Variants in USP40 observed in about 807,000 individuals in gnomAD.
USP40 encodes the protein ubiquitin specific peptidase 40, also known as ubiquitin carboxyl-terminal hydrolase 40.
A neutral mutation model predicts 166.2 loss-of-function variants in USP40; 143 were observed. The observed-to-expected ratio is 0.86, with a 90% CI of 0.75 to 0.99. The LOEUF (loss-of-function observed/expected upper bound fraction) is 0.99, where lower values mean the gene tolerates loss of function less well. Ranked by LOEUF, USP40 falls within the 50% of genes least tolerant of loss-of-function variation. The probability of loss-of-function intolerance (pLI) is 0.00; values close to 1 mark genes in which losing one functional copy is unlikely to be tolerated. For synonymous variants in USP40, 498 were observed against 524.0 expected, an observed-to-expected ratio of 0.95 and a Z score of 0.68; for missense variants, 1,444 against 1,479.7, an observed-to-expected ratio of 0.98 and a Z score of 0.40.
chr2:233,485,773 A>G lies in USP40; in HGVS notation c.3402T>C (p.Ser1134=). 1 of 1,613,218 alleles carries G rather than the reference A, an allele frequency of 6.2e-7. No individual in the cohort carries two copies. Among genetic ancestry groups the G allele is most frequent in the Non-Finnish European group, 8.5e-7 (1 of 1,179,634 alleles). The change falls in exon 29 of 32, where the codon TCT becomes TCC. Residue 1134 remains serine (S), a synonymous_variant. Coordinates refer to ENST00000678225, the MANE Select transcript of USP40 (RefSeq NM_001365479.2). The part of the protein sequence containing the change: ...FPEKFEWLPI[S]SWNQQITKRK... The stretch of plus-strand genomic sequence containing the variant: ...GACAGCCCCACAACTTTACCCAGCT[A>G]GATATCGGAAGCCACTCGAACTTTT...
At chr2:233,539,082 T>C (rs973744246) in intron 10 of USP40, among the ~76,000 whole-genome samples, 1 of 152,060 alleles carries the variant, frequency 6.6e-6, no homozygotes, top group African/African-American at 2.4e-5. Flanking sequence ...TAAATGTGTA[T>C]GTACCTAATA....
At chr2:233,487,415 G>A (rs375523316) in intron 28 of USP40, among the ~76,000 whole-genome samples, 6 of 152,118 alleles carry the variant, frequency 3.9e-5, no homozygotes, top group African/African-American at 9.7e-5. Flanking sequence ...TATTTTAAGA[G>A]GTTTAAAATG....
Position 233,494,962 on chromosome 2 carries a change from A to AATAAATTAT in USP40, c.2791-1412_2791-1411insATAATTTAT, listed in dbSNP as rs2065639720. ...TATATATATATATATATATTTATAT[A>AATAAATTAT]TATATATATATATATATACACACAC... On this transcript the variant is annotated intron_variant, in intron 24 of 31. Transcript: ENST00000678225. Among the ~76,000 whole-genome samples, 4 of 71,400 alleles carry AATAAATTAT rather than the reference A, an allele frequency of 5.6e-5. 1 individual carries two copies. The highest frequency in any genetic ancestry group is 2.8e-4 in the African/African-American group (4 of 14,422). 46.8% of individuals were successfully genotyped at this position (71,400 alleles called of 152,430 possible).
At chr2:233,489,725 T>C in intron 26 of USP40, 1 of 413,830 alleles carries the variant, frequency 2.4e-6, no homozygotes, top group South Asian at 4.3e-5. Flanking sequence ...GTTCCCTCTC[T>C]CTAAATCTGA....
rs1284274479 is a variant in USP40 at position 233,486,154 on chromosome 2, A to T, written c.3198-177T>A. On this transcript the variant is annotated intron_variant, in intron 28 of 31. Transcript: ENST00000678225. This position sits in a 1 kb window ranked among gnomAD's most constrained non-coding sequence, Gnocchi z 4.0. ...TTATTCCGCATTTCAATTTCCTTTA[A>T]TCTTGGAATGAAGAGCGGAAGTGAA... is the stretch of plus-strand genomic sequence containing the variant. 1.3e-5 allele frequency among the ~76,000 whole-genome samples: 2 copies of T among 152,080 alleles called. No homozygotes were observed. Among genetic ancestry groups the T allele is most frequent in the African/African-American group, 2.4e-5 (1 of 41,392 alleles).
intron 27 of USP40, among the ~76,000 whole-genome samples, chr2:233,488,967 GAAAC>G (rs1286673141): frequency 2.0e-5 from 3 of 151,956 alleles, no homozygotes; most frequent in East Asian, 1.9e-4. Flanking sequence ...GAGAAAGAAA[GAAAC>G]AAAAAGCCTC....
chr2:233,520,260 G>C (rs771223335), intron 17 of USP40, among the ~76,000 whole-genome samples: 4 of 152,074 alleles, frequency 2.6e-5, no homozygotes, highest in Non-Finnish European at 5.9e-5. Flanking sequence ...ATTGTGAAAA[G>C]AAGAAACAGA....
At chr2:233,536,078 A>T (rs1391940986) in intron 10 of USP40, among the ~76,000 whole-genome samples, 5 of 152,160 alleles carry the variant, frequency 3.3e-5, no homozygotes, top group Non-Finnish European at 5.9e-5. Context: ...AAGAAACAGG[A>T]CAATGTTATT....
rs778801069 is a variant in USP40, at chr2:233,510,006, C to A, written c.2613+43G>T. On this transcript the variant is annotated intron_variant, in intron 21 of 31. Transcript: ENST00000678225. ...ACCACTGTTCCTCACAGCAAACATA[C>A]AAACACACACAGCCTCTGAAAACAA... 29 of 1,469,712 alleles carry A rather than the reference C, an allele frequency of 2.0e-5. No homozygotes were observed. The East Asian group carries it at 5.4e-4, about 27-fold the overall frequency. The allele number at this position is 1,469,712 out of a possible 1,614,324, so 91.0% of individuals were successfully genotyped here. A position where few individuals can be genotyped will look rare whatever the true frequency, so the allele number is the denominator to read the frequency against.
chr2:233,540,825 T>G, intron 9 of USP40, 56 bp from the exon 10 acceptor site: 1 of 1,284,724 alleles, frequency 7.8e-7, no homozygotes, highest in Non-Finnish European at 1.1e-6. Context: ...ATTGCATACT[T>G]AACAAATTCA....
At chr2:233,530,053 G>A (rs997317663) in intron 11 of USP40, among the ~76,000 whole-genome samples, 1 of 151,516 alleles carries the variant, frequency 6.6e-6, no homozygotes, top group African/African-American at 2.4e-5. Context: ...GCCCGCCTCA[G>A]CCTCCCAAAG....
At chr2:233,482,536 C>A (rs1575210637) in intron 30 of USP40, among the ~76,000 whole-genome samples, 1 of 151,758 alleles carries the variant, frequency 6.6e-6, no homozygotes, top group South Asian at 2.1e-4. Flanking sequence ...AAACTAACAC[C>A]AAACTGCTCT....
chr2:233,494,992 A>C lies in USP40; in HGVS notation c.2791-1441T>G, dbSNP rs377744344. On this transcript the variant is annotated intron_variant, in intron 24 of 31. Transcript: ENST00000678225. ...TATATATATATATACACACACATAA[A>C]AAATAAATAAATAAATAAATATATA... Among the ~76,000 whole-genome samples the C allele has an allele frequency of 3.8e-5, 5 of 132,346 alleles. 1 individual carries two copies. Among genetic ancestry groups the C allele is most frequent in the African/African-American group, 1.4e-4 (5 of 34,634 alleles). The allele number at this position is 132,346 out of a possible 152,430, so 86.8% of individuals were successfully genotyped here. A position where few individuals can be genotyped will look rare whatever the true frequency, so the allele number is the denominator to read the frequency against.
chr2:233,531,600 CAT>C (rs2068530148), intron 11 of USP40, among the ~76,000 whole-genome samples: 1 of 152,122 alleles, frequency 6.6e-6, no homozygotes, highest in South Asian at 2.1e-4. Context: ...GAACCATTTC[CAT>C]ATCTTTTTTT....
intron 21 of USP40, among the ~76,000 whole-genome samples, chr2:233,504,342 GTGAC>G (rs1461455185): frequency 6.6e-6 from 1 of 151,800 alleles, no homozygotes; most frequent in Non-Finnish European, 1.5e-5. Context: ...AGATATAAAA[GTGAC>G]TGAATGGGTT....
chr2:233,493,638 G>T lies in USP40; in HGVS notation c.2791-87C>A. On this transcript the variant is annotated intron_variant, in intron 24 of 31. Coordinates refer to ENST00000678225, the MANE Select transcript of USP40 (RefSeq NM_001365479.2). The surrounding 1 kb of genome is among the most constrained non-coding windows in gnomAD (Gnocchi z 4.7). ...CTTCCATAGAAAGAAACACCTTGAT[G>T]ACCTAAGATGTTCTTGAACTTATCA... is the stretch of plus-strand genomic sequence containing the variant. The T allele has an allele frequency of 7.3e-7, 1 of 1,369,790 alleles. No homozygotes were observed. Among genetic ancestry groups the T allele is most frequent in the South Asian group, 1.6e-5 (1 of 62,354 alleles). The allele number at this position is 1,369,790 out of a possible 1,614,324, so 84.9% of individuals were successfully genotyped here.
chr2:233,531,970 AG>A (rs1173683812), intron 11 of USP40, among the ~76,000 whole-genome samples: 2 of 152,228 alleles, frequency 1.3e-5, no homozygotes, highest in South Asian at 2.1e-4. Context: ...CTAAATTGAA[AG>A]GAACACCCTA....
At chr2:233,499,014 C>T (rs1349012232) in intron 22 of USP40, among the ~76,000 whole-genome samples, 1 of 152,134 alleles carries the variant, frequency 6.6e-6, no homozygotes, top group Non-Finnish European at 1.5e-5. Flanking sequence ...ATTTTAAGTT[C>T]TGGGGTACAT....
chr2:233,501,742 TGAAAA>T (rs1559230590), intron 21 of USP40, among the ~76,000 whole-genome samples: 1 of 152,176 alleles, frequency 6.6e-6, no homozygotes, highest in African/African-American at 2.4e-5. Flanking sequence ...TGCCATTAAC[TGAAAA>T]AGAGAAAAAT....
Sources: allele counts gnomAD v4.1 joint callset (sites outside exome capture counted in the v4.1 genomes callset), GRCh38; gene constraint gnomAD v4.1.1; non-coding constraint Gnocchi (gnomAD v3.1); transcripts MANE v1.5; gene names NCBI Gene and HGNC (gene_info 2026-07-23, HGNC 2026-07-21).